The following MELK variants were observed in gnomAD, a reference collection of about 807,000 sequenced individuals.
MELK encodes the protein pEg3 kinase.
MELK carries 81 observed loss-of-function variants against 85.0 expected under a neutral mutation model. The observed-to-expected ratio is 0.95, with a 90% confidence interval of 0.80 to 1.15. MELK has a LOEUF of 1.15. Among genes scored for constraint, MELK ranks in the 50% most tolerant of loss-of-function variants. The probability of loss-of-function intolerance (pLI) is 0.00; values close to 1 mark genes in which losing one functional copy is unlikely to be tolerated. For synonymous variants in MELK, 252 were observed against 265.0 expected (o/e 0.95, Z 0.48); for missense variants, 754 against 777.5 (o/e 0.97, Z 0.36).
At chr9:36,590,512 C>T (rs1193642317) in intron 4 of MELK, among the ~76,000 whole-genome samples, 1 of 152,144 alleles carries the variant, frequency 6.6e-6, no homozygotes, top group African/African-American at 2.4e-5. Flanking sequence ...CTCTGTGTAG[C>T]TGTGTCTCTG....
intron 7 of MELK, among the ~76,000 whole-genome samples, chr9:36,601,884 T>C (rs1236875420): frequency 1.3e-5 from 2 of 152,242 alleles, no homozygotes; most frequent in Non-Finnish European, 2.9e-5. Context: ...ATGCATGTTG[T>C]AGCATGTATC....
intron 11 of MELK, among the ~76,000 whole-genome samples, chr9:36,645,187 G>A (rs1196567601): frequency 6.6e-6 from 1 of 150,636 alleles, no homozygotes; most frequent in Non-Finnish European, 1.5e-5. Context: ...GAACCTGGGA[G>A]GCAGAGGTTG....
chr9:36,589,203 C>T (rs1389621477), intron 3 of MELK, among the ~76,000 whole-genome samples: 9 of 151,572 alleles, frequency 5.9e-5, no homozygotes, highest in Non-Finnish European at 1.2e-4. Context: ...GGCGGGAGTG[C>T]AGTGGCGCAA....
intron 3 of MELK, among the ~76,000 whole-genome samples, chr9:36,587,146 G>T (rs1822999969): frequency 6.6e-6 from 1 of 151,734 alleles, no homozygotes; most frequent in Non-Finnish European, 1.5e-5. Flanking sequence ...ACCACGCCTG[G>T]CCGATTACTT....
chr9:36,625,198 A>G (rs1259673277), intron 8 of MELK, among the ~76,000 whole-genome samples: 1 of 152,150 alleles, frequency 6.6e-6, no homozygotes, highest in African/African-American at 2.4e-5. Context: ...GCAGGCTGTG[A>G]TCAGAGACTC....
intron 10 of MELK, among the ~76,000 whole-genome samples, chr9:36,635,765 A>G (rs1311303251): frequency 6.6e-6 from 1 of 152,134 alleles, no homozygotes; most frequent in Non-Finnish European, 1.5e-5. Flanking sequence ...AACAATTTAA[A>G]AAATACTATT....
chr9:36,583,640 G>C lies in MELK; in HGVS notation c.72G>C (p.Lys24Asn). Residue 24 changes from lysine (K) to asparagine (N), a missense_variant, in exon 3 of 18, where the codon AAG becomes AAC. Lys to Asn is a moderately conservative substitution (Grantham distance 94). Transcript: ENST00000298048. ...HETIGTGGFA[K>N]VKLACHILTG... is the part of the protein sequence containing the mutation. ...TTTCCTACTTAGGTGGCTTTGCAAA[G>C]GTCAAACTTGCCTGCCATATCCTTA... 6.2e-7 allele frequency: 1 copy of C among 1,611,012 alleles called. No individual in the cohort carries two copies.
intron 1 of MELK, among the ~76,000 whole-genome samples, chr9:36,581,362 T>C (rs1035321558): frequency 6.6e-6 from 1 of 151,960 alleles, no homozygotes; most frequent in Non-Finnish European, 1.5e-5. Flanking sequence ...ATTTTTTTCA[T>C]TATTATTATT....
chr9:36,669,263 C>T (rs751685103), intron 14 of MELK, 47 bp from the exon 15 acceptor site: 1 of 1,265,552 alleles, frequency 7.9e-7, no homozygotes, highest in South Asian at 1.5e-5. Flanking sequence ...AATTTCAGAA[C>T]CATAGTATGT....
chr9:36,639,385 C>G (rs1829528756), intron 10 of MELK, among the ~76,000 whole-genome samples: 1 of 152,146 alleles, frequency 6.6e-6, no homozygotes, highest in Admixed American at 6.6e-5. Context: ...AAAAAAAATT[C>G]AGATTTCCTT....
At chr9:36,606,703 GTATA>G (rs934208442) in intron 7 of MELK, 1 of 146,930 alleles carries the variant, frequency 6.8e-6, no homozygotes, top group Non-Finnish European at 1.5e-5. Context: ...ATGCATATAT[GTATA>G]TATGGACATG....
At chr9:36,638,101 G>A (rs1252536792) in intron 10 of MELK, among the ~76,000 whole-genome samples, 2 of 152,056 alleles carry the variant, frequency 1.3e-5, no homozygotes, top group Non-Finnish European at 2.9e-5. Context: ...GGAGGGCTTT[G>A]CACATCTTCT....
intron 13 of MELK, among the ~76,000 whole-genome samples, chr9:36,662,644 T>C (rs1831972079): frequency 6.6e-6 from 1 of 152,218 alleles, no homozygotes; most frequent in African/African-American, 2.4e-5. Flanking sequence ...ATGTGTCCAG[T>C]GTATTAGCTC....
chr9:36,609,447 C>T lies in MELK; in HGVS notation c.666+1774C>T, dbSNP rs200874775. 3.0e-5 allele frequency among the ~76,000 whole-genome samples: 4 copies of T among 132,732 alleles called. No homozygotes were observed. In the East Asian group the frequency reaches 6.5e-4, roughly 22 times the overall value. 87.1% of individuals were successfully genotyped at this position (132,732 alleles called of 152,430 possible). A position where few individuals can be genotyped will look rare whatever the true frequency, so the allele number is the denominator to read the frequency against. ...TGAATGCTTCACTCTCTTTCTTCTT[C>T]TTTTTTTTTTTTTTTTTTGAGATAA... On this transcript the variant is annotated intron_variant, in intron 8 of 17. Transcript: ENST00000298048.
chr9:36,584,375 T>C (rs1587324000), intron 3 of MELK, among the ~76,000 whole-genome samples: 1 of 146,572 alleles, frequency 6.8e-6, no homozygotes, highest in African/African-American at 2.5e-5. Flanking sequence ...TGGAGTGCAG[T>C]GGCGCGATCT....
intron 17 of MELK, 147 bp from the exon 18 acceptor site, chr9:36,677,013 C>T (rs1833407931): frequency 1.6e-6 from 1 of 610,140 alleles, no homozygotes; most frequent in African/African-American, 1.9e-5. Flanking sequence ...TAAAGCATAG[C>T]TAGGTCATTT....
chr9:36,581,352 AT>A (rs1345147590), intron 1 of MELK, among the ~76,000 whole-genome samples: 13 of 151,812 alleles, frequency 8.6e-5, no homozygotes, highest in Middle Eastern at 3.4e-3. Flanking sequence ...TAATATATTA[AT>A]TTTTTTCATT....
intron 12 of MELK, among the ~76,000 whole-genome samples, chr9:36,654,309 G>C: frequency 7.0e-6 from 1 of 143,374 alleles, no homozygotes; most frequent in South Asian, 2.2e-4. Flanking sequence ...CGACACCTCA[G>C]TTAAGGGGCC....
intron 1 of MELK, among the ~76,000 whole-genome samples, chr9:36,576,621 T>C (rs1821675990): frequency 6.6e-6 from 1 of 152,150 alleles, no homozygotes; most frequent in African/African-American, 2.4e-5. Context: ...AACCTCCACC[T>C]CCTGGGTTCA....
Sources: gnomAD v4.1 joint callset for allele counts (sites outside exome capture counted in the v4.1 genomes callset) on GRCh38, gnomAD v4.1.1 for gene constraint, MANE v1.5 for transcripts, NCBI Gene and HGNC (gene_info 2026-07-23, HGNC 2026-07-21) for gene names.